PAX5: variants seen among roughly 807,000 people sequenced by gnomAD.
The protein encoded by PAX5 is paired box protein Pax-5.
In PAX5, 9 loss-of-function variants were observed where a neutral mutation model predicts 43.7. The observed-to-expected ratio is 0.21, with a 90% CI of 0.12 to 0.36. The LOEUF (loss-of-function observed/expected upper bound fraction) is 0.36, where lower values mean the gene tolerates loss of function less well. PAX5 is among the 10% of genes least tolerant of loss of function. The probability of loss-of-function intolerance (pLI) is 1.00; values close to 1 mark genes in which losing one functional copy is unlikely to be tolerated. For synonymous variants in PAX5, 228 were observed against 214.3 expected, an observed-to-expected ratio of 1.06 and a Z score of -0.56; for missense variants, 383 against 532.7, an observed-to-expected ratio of 0.72 and a Z score of 2.77.
intron 5 of PAX5, among the ~76,000 whole-genome samples, chr9:36,987,861 G>C (rs1836572819): frequency 1.3e-5 from 2 of 152,224 alleles, no homozygotes. Flanking sequence ...CTCCCGAGAG[G>C]GAGGTACGCA....
At chr9:36,923,240 T>A (rs1237935046) in intron 7 of PAX5, 115 bp downstream of exon 7, 20 of 1,376,978 alleles carry the variant, frequency 1.5e-5, no homozygotes, top group Non-Finnish European at 1.9e-5. Context: ...CATAACCTTG[T>A]TAAAACAAAA....
Position 36,834,853 on chromosome 9 carries a change from GC to G in PAX5, c.*5706del, listed in dbSNP as rs1443160146. 9.5e-5 allele frequency: 14 copies of G among 147,770 alleles called. No individual in the cohort carries two copies. Among genetic ancestry groups the G allele is most frequent in the African/African-American group, 3.4e-4 (13 of 38,756 alleles). The allele number at this position is 147,770 out of a possible 1,614,324, so 9.2% of individuals were successfully genotyped here. A position where few individuals can be genotyped will look rare whatever the true frequency, so the allele number is the denominator to read the frequency against. ...TAGCCACAGGGTCACAGGGTGGGGG[GC>G]GGGGGTCAGGGCAGGTGAGGCTGGT... On this transcript the variant is annotated 3_prime_UTR_variant, in exon 10 of 10. Coordinates refer to ENST00000358127, the MANE Select transcript of PAX5 (RefSeq NM_016734.3).
At chr9:36,992,324 G>A (rs1406197318) in intron 5 of PAX5, among the ~76,000 whole-genome samples, 2 of 152,180 alleles carry the variant, frequency 1.3e-5, no homozygotes, top group African/African-American at 4.8e-5. Flanking sequence ...CAATAGCATT[G>A]CTAGGTTTTC....
At chr9:37,029,357 G>A (rs939581286) in intron 1 of PAX5, among the ~76,000 whole-genome samples, 4 of 152,216 alleles carry the variant, frequency 2.6e-5, no homozygotes, top group African/African-American at 9.7e-5. Flanking sequence ...CTGACCAGTA[G>A]ACAAGTTTCC....
At chr9:36,848,744 C>T (rs569087945) in intron 8 of PAX5, among the ~76,000 whole-genome samples, 16 of 152,298 alleles carry the variant, frequency 1.1e-4, no homozygotes, top group Non-Finnish European at 1.9e-4. Context: ...TGTTTAGCGT[C>T]GCCTCTGCTG....
At chr9:37,027,656 C>A (rs972187760) in intron 1 of PAX5, among the ~76,000 whole-genome samples, 4 of 152,176 alleles carry the variant, frequency 2.6e-5, no homozygotes, top group Admixed American at 2.6e-4. Context: ...GCGCACAGTG[C>A]GCCACCGCGC....
rs1194749980 is a variant in PAX5 at position 36,839,582 on chromosome 9, G to C, written c.*978C>G. 4.3e-6 allele frequency: 1 copy of C among 233,396 alleles called. No homozygotes were observed. Among genetic ancestry groups the C allele is most frequent in the East Asian group, 6.0e-5 (1 of 16,596 alleles). 14.5% of individuals were successfully genotyped at this position (233,396 alleles called of 1,614,324 possible). On this transcript the variant is annotated 3_prime_UTR_variant, in exon 10 of 10. Transcript: ENST00000358127. Reference sequence around the variant, plus strand: ...AGGGTGGGTGAAGTGTCCATGGCAGGTGTCCGAAGTGACCTGAACCTGGGC... The same window carrying C: ...AGGGTGGGTGAAGTGTCCATGGCAGCTGTCCGAAGTGACCTGAACCTGGGC...
In PAX5 at chr9:36,895,691, G is replaced by A. The variant is rs184980106; in HGVS notation, c.911-13586C>T. Among the ~76,000 whole-genome samples, 973 of 152,320 alleles carry A rather than the reference G, an allele frequency of 6.4e-3. 10 individuals are homozygous for A. The highest frequency in any genetic ancestry group is 0.022 in the African/African-American group (905 of 41,550). Reference sequence around the variant, plus strand: ...CCACCAATGTACAGAGGAGGCAATGGAGGCTGAGAGAAGTGAAGTAACTTG... The same window carrying A: ...CCACCAATGTACAGAGGAGGCAATGAAGGCTGAGAGAAGTGAAGTAACTTG... On this transcript the variant is annotated intron_variant, in intron 7 of 9. Coordinates refer to ENST00000358127, the MANE Select transcript of PAX5 (RefSeq NM_016734.3).
chr9:37,010,206 G>C (rs1200899208), intron 3 of PAX5, among the ~76,000 whole-genome samples: 1 of 152,146 alleles, frequency 6.6e-6, no homozygotes, highest in African/African-American at 2.4e-5. Context: ...GGGCTGAGTT[G>C]GCAGTCACAC....
intron 4 of PAX5, among the ~76,000 whole-genome samples, chr9:37,006,162 T>C (rs530220380): frequency 6.6e-6 from 1 of 152,374 alleles, no homozygotes; most frequent in East Asian, 1.9e-4. Flanking sequence ...TATCCCTTTC[T>C]TGATTTATTA....
chr9:36,869,826 G>A (rs908244429), intron 8 of PAX5, among the ~76,000 whole-genome samples: 28 of 150,524 alleles, frequency 1.9e-4, no homozygotes, highest in Middle Eastern at 3.6e-3. Flanking sequence ...ATGGATGGAT[G>A]AATAGATGGA....
chr9:36,945,027 G>C (rs919116211), intron 6 of PAX5, among the ~76,000 whole-genome samples: 2 of 152,054 alleles, frequency 1.3e-5, no homozygotes, highest in African/African-American at 4.8e-5. Flanking sequence ...CCACAGACAG[G>C]GACAGGAATC....
intron 6 of PAX5, among the ~76,000 whole-genome samples, chr9:36,929,279 AAG>A (rs1444259845): frequency 9.2e-5 from 11 of 119,822 alleles, no homozygotes; most frequent in African/African-American, 3.0e-4. Context: ...GGAAGGAAGG[AAG>A]GAAGGAAGGA....
chr9:36,966,660 C>A lies in PAX5; in HGVS notation c.669G>T (p.Gln223His). ...GCTGTGTGAACAAGTCTCCCCGCAT[C>A]TGCTTCCGGAGGAAGTCTCTGCCCG... ...SLPGRDFLRKQMRGDLFTQQQ... is the reference protein window; with the variant it reads ...SLPGRDFLRKHMRGDLFTQQQ... Residue 223 changes from glutamine to histidine, a missense_variant, in exon 6 of 10, where the codon CAG becomes CAT. By Grantham distance (24) the Gln-to-His change is conservative. Coordinates refer to ENST00000358127, the MANE Select transcript of PAX5 (RefSeq NM_016734.3). 1 of 1,614,248 alleles carries A rather than the reference C, an allele frequency of 6.2e-7. No homozygotes were observed. The highest frequency in any genetic ancestry group is 8.5e-7 in the Non-Finnish European group (1 of 1,180,040).
At chr9:36,922,527 C>G (rs939226661) in intron 7 of PAX5, among the ~76,000 whole-genome samples, 1 of 152,190 alleles carries the variant, frequency 6.6e-6, no homozygotes, top group Admixed American at 6.5e-5. Context: ...CCGTCCTGGC[C>G]CACGCATCCA....
chr9:36,978,273 C>T (rs1385895287), intron 5 of PAX5, among the ~76,000 whole-genome samples: 1 of 152,220 alleles, frequency 6.6e-6, no homozygotes, highest in African/African-American at 2.4e-5. Context: ...GAGGGATATG[C>T]ACACTAATTA....
chr9:36,906,728 C>T (rs1056433712), intron 7 of PAX5, among the ~76,000 whole-genome samples: 7 of 152,224 alleles, frequency 4.6e-5, no homozygotes, highest in African/African-American at 1.4e-4. Context: ...CTGGGGACCC[C>T]TAAGTCTGAC....
chr9:36,978,503 G>GAAT (rs1835642390), intron 5 of PAX5, among the ~76,000 whole-genome samples: 1 of 150,566 alleles, frequency 6.6e-6, no homozygotes, highest in South Asian at 2.1e-4. Context: ...CCACTGCACA[G>GAAT]AAATAAATAA....
chr9:36,854,679 T>C (rs563762533), intron 8 of PAX5, among the ~76,000 whole-genome samples: 123 of 152,238 alleles, frequency 8.1e-4, no homozygotes, highest in Admixed American at 1.9e-3. Context: ...AAGACCTTCC[T>C]GGGCTCCCAA....
Sources: gnomAD v4.1 joint callset for allele counts (sites outside exome capture counted in the v4.1 genomes callset) on GRCh38, gnomAD v4.1.1 for gene constraint, MANE v1.5 for transcripts, NCBI Gene and HGNC (gene_info 2026-07-23, HGNC 2026-07-21) for gene names.